Variants in UNC13A observed in about 807,000 individuals in gnomAD.
UNC13A encodes the protein unc-13 homolog A, also known as protein unc-13 homolog A.
Under a neutral mutation model 219.7 loss-of-function variants are expected in UNC13A, and 61 were observed. The ratio of observed to expected loss-of-function variants is 0.28; its 90% CI spans 0.23 to 0.34. UNC13A has a LOEUF of 0.34. UNC13A is among the 10% of genes least tolerant of loss of function. The probability of loss-of-function intolerance (pLI) is 1.00; values close to 1 mark genes in which losing one functional copy is unlikely to be tolerated. For synonymous variants in UNC13A, 920 were observed against 884.6 expected, an observed-to-expected ratio of 1.04 and a Z score of -0.71; for missense variants, 1,476 against 2,270.3, an observed-to-expected ratio of 0.65 and a Z score of 7.11.
intron 3 of UNC13A, 74 bp from the exon 4 acceptor site, chr19:17,672,569 G>C (rs759348246): frequency 8.6e-7 from 1 of 1,168,294 alleles, no homozygotes; most frequent in South Asian, 1.3e-5. Flanking sequence ...TAGTTGATTC[G>C]CCTGAGAACA....
chr19:17,688,096 C>G, intron 1 of UNC13A, 82 bp downstream of exon 1: 1 of 1,473,390 alleles, frequency 6.8e-7, no homozygotes, highest in Non-Finnish European at 9.0e-7. Context: ...CCCCCAGGAA[C>G]CCCCTGGGAG....
At chr19:17,631,388 T>A (rs981143062) in intron 28 of UNC13A, among the ~76,000 whole-genome samples, 8 of 144,476 alleles carry the variant, frequency 5.5e-5, no homozygotes, top group African/African-American at 2.0e-4. Context: ...GCCCGGCTAA[T>A]TTTTTTTTTT....
Position 17,627,949 on chromosome 19 carries a change from G to A in UNC13A, c.3754-9C>T. ...TTCATGAGAATGCAGGGCTGTGGGTGGGAACAGAGAGGGGAGTCAAGCCTC... is the reference window on the plus strand; with the variant it reads ...TTCATGAGAATGCAGGGCTGTGGGTAGGAACAGAGAGGGGAGTCAAGCCTC... On this transcript the variant is annotated splice_polypyrimidine_tract_variant and intron_variant, in intron 31 of 43. Coordinates refer to ENST00000519716, the MANE Select transcript of UNC13A (RefSeq NM_001080421.3). The surrounding 1 kb of genome is among the most constrained non-coding windows in gnomAD (Gnocchi z 4.7). The A allele has an allele frequency of 6.3e-7, 1 of 1,585,130 alleles. No homozygotes were observed. Among genetic ancestry groups the A allele is most frequent in the African/African-American group, 1.3e-5 (1 of 74,620 alleles).
chr19:17,639,704 C>A (rs2076947454), intron 23 of UNC13A, 136 bp downstream of exon 23: 4 of 1,169,460 alleles, frequency 3.4e-6, no homozygotes, highest in Non-Finnish European at 4.9e-6. Flanking sequence ...AGTGCCCATG[C>A]AGGTGCACAC....
chr19:17,677,369 CTT>C (rs1280178035), intron 1 of UNC13A, among the ~76,000 whole-genome samples: 2 of 89,336 alleles, frequency 2.2e-5, no homozygotes, highest in Admixed American at 2.0e-4. Flanking sequence ...TTTTTTTTTT[CTT>C]TTTTTTTTTA....
At chr19:17,650,131 C>A (rs6512205) in intron 12 of UNC13A, among the ~76,000 whole-genome samples, 23,568 of 152,084 alleles carry the variant, frequency 0.15, 2,742 homozygotes, top group African/African-American at 0.33. Flanking sequence ...CCCGGCCTCA[C>A]CCTCCTCATC....
rs1296546997 is a variant in UNC13A, at chr19:17,688,246, C to T, written c.-47G>A. 5.5e-6 allele frequency: 8 copies of T among 1,442,792 alleles called. No individual in the cohort carries two copies. Among genetic ancestry groups the T allele is most frequent in the Non-Finnish European group, 7.3e-6 (8 of 1,097,314 alleles). The allele number at this position is 1,442,792 out of a possible 1,614,324, so 89.4% of individuals were successfully genotyped here. ...CCGGAGGCGGCCGGGCCGGCTCTGT[C>T]GGGTCGGGCTCAGCGGCCGCTGGGC... On this transcript the variant is annotated 5_prime_UTR_variant, in exon 1 of 44. Coordinates refer to ENST00000519716, the MANE Select transcript of UNC13A (RefSeq NM_001080421.3).
intron 36 of UNC13A, 123 bp from the exon 37 acceptor site, chr19:17,621,993 G>T: frequency 1.0e-6 from 1 of 958,574 alleles, no homozygotes. Flanking sequence ...TGGTGACTGG[G>T]TTGCATGGGG....
chr19:17,685,597 T>A (rs2080093086), intron 1 of UNC13A, among the ~76,000 whole-genome samples: 2 of 152,328 alleles, frequency 1.3e-5, no homozygotes, highest in Middle Eastern at 3.4e-3. Context: ...CACTCACACG[T>A]GTGTTGCTGG....
intron 20 of UNC13A, 37 bp downstream of exon 20, chr19:17,642,808 G>A: frequency 6.5e-7 from 1 of 1,536,848 alleles, no homozygotes. Flanking sequence ...AATGGTGAGT[G>A]GAAGTGGCAT....
At chr19:17,651,501 C>T (rs967186638) in intron 12 of UNC13A, among the ~76,000 whole-genome samples, 4 of 152,228 alleles carry the variant, frequency 2.6e-5, no homozygotes, top group Non-Finnish European at 5.9e-5. Context: ...GTTGGGATTA[C>T]AGGCGTGAGC....
Position 17,623,415 on chromosome 19 carries a change from C to G in UNC13A, c.4203+127G>C, listed in dbSNP as rs867539807. 9.8e-5 allele frequency: 60 copies of G among 613,774 alleles called. No individual in the cohort carries two copies. The African/African-American group carries it at 1.0e-3, about 11-fold the overall frequency. The allele number at this position is 613,774 out of a possible 1,614,324, so 38.0% of individuals were successfully genotyped here. The stretch of plus-strand genomic sequence containing the variant: ...CCAGACAGACACAGGCACATCTAGG[C>G]GGGAGGGAGGATGGTGGGTGAGGAG... On this transcript the variant is annotated intron_variant, in intron 36 of 43. Coordinates refer to ENST00000519716, the MANE Select transcript of UNC13A (RefSeq NM_001080421.3).
intron 23 of UNC13A, 131 bp from the exon 24 acceptor site, chr19:17,639,656 G>C (rs1262040349): frequency 3.3e-6 from 4 of 1,196,640 alleles, no homozygotes; most frequent in Non-Finnish European, 4.8e-6. Context: ...GAAGCAACTG[G>C]GGATCTGCTT....
At chr19:17,606,555 G>C (rs2076532996) in intron 43 of UNC13A, among the ~76,000 whole-genome samples, 1 of 151,770 alleles carries the variant, frequency 6.6e-6, no homozygotes, top group African/African-American at 2.4e-5. Context: ...AGCTGACCCC[G>C]AGCTGGGCCA....
Position 17,627,797 on chromosome 19 carries a change from G to A in UNC13A, c.3831+66C>T. 3 of 1,512,600 alleles carry A rather than the reference G, an allele frequency of 2.0e-6. No individual in the cohort carries two copies. The South Asian group carries it at 3.5e-5, about 17-fold the overall frequency. The allele number at this position is 1,512,600 out of a possible 1,614,324, so 93.7% of individuals were successfully genotyped here. ...GGCCTGGTGGCATATGAGCTCAGGG[G>A]CCTGCAGGGACACAGTGGTGGGGGT... On this transcript the variant is annotated intron_variant, in intron 32 of 43. Transcript: ENST00000519716. This position sits in a 1 kb window ranked among gnomAD's most constrained non-coding sequence, Gnocchi z 4.7.
chr19:17,606,494 C>T, intron 43 of UNC13A, 140 bp from the exon 44 acceptor site: 1 of 1,245,554 alleles, frequency 8.0e-7, no homozygotes, highest in Non-Finnish European at 1.1e-6. Context: ...GCTAGCCCCG[C>T]CCCTGCCCCG....
intron 4 of UNC13A, among the ~76,000 whole-genome samples, chr19:17,670,973 G>A (rs1052121129): frequency 2.9e-5 from 4 of 138,478 alleles, no homozygotes; most frequent in Admixed American, 1.4e-4. Context: ...TGACAAAAAC[G>A]AACAAACAAA....
At chr19:17,630,531 A>G in intron 29 of UNC13A, 123 bp downstream of exon 29, 1 of 1,231,944 alleles carries the variant, frequency 8.1e-7, no homozygotes, top group African/African-American at 1.5e-5. Context: ...GATTTTAAAA[A>G]CCATGAGCAA....
At chr19:17,644,934 G>A (rs920767319) in intron 19 of UNC13A, among the ~76,000 whole-genome samples, 1 of 148,548 alleles carries the variant, frequency 6.7e-6, no homozygotes, top group East Asian at 2.0e-4. Context: ...TCAAGTGATT[G>A]GCCTGCCTCA....
Sources: gnomAD v4.1 joint callset for allele counts (sites outside exome capture counted in the v4.1 genomes callset) on GRCh38, gnomAD v4.1.1 for gene constraint, Gnocchi (gnomAD v3.1) non-coding constraint, MANE v1.5 for transcripts, NCBI Gene and HGNC (gene_info 2026-07-23, HGNC 2026-07-21) for gene names.